ROBO1: variants seen among roughly 807,000 people sequenced by gnomAD.
ROBO1 encodes the protein roundabout guidance receptor 1.
ROBO1 carries 149 observed loss-of-function variants against 195.9 expected under a neutral mutation model. The observed-to-expected ratio is 0.76, with a 90% CI of 0.67 to 0.87. The LOEUF (loss-of-function observed/expected upper bound fraction) is 0.87. ROBO1 is among the 40% of genes least tolerant of loss of function. ROBO1 has a pLI of 0.00. For synonymous variants in ROBO1, 816 were observed against 733.2 expected, an observed-to-expected ratio of 1.11 and a Z score of -1.82; for missense variants, 1,933 against 2,068.3, an observed-to-expected ratio of 0.93 and a Z score of 1.27.
At chr3:79,326,608 G>A (rs953303668) in intron 2 of ROBO1, among the ~76,000 whole-genome samples, 1 of 152,094 alleles carries the variant, frequency 6.6e-6, no homozygotes, top group Non-Finnish European at 1.5e-5. Flanking sequence ...AACCTAAAAA[G>A]GAAAACCAAT....
At chr3:79,350,478 C>T (rs538674916) in intron 2 of ROBO1, among the ~76,000 whole-genome samples, 1 of 152,234 alleles carries the variant, frequency 6.6e-6, no homozygotes, top group Non-Finnish European at 1.5e-5. Flanking sequence ...CATATAAAAA[C>T]TTGTACACAA....
At chr3:79,641,907 T>G (rs1945674750) in intron 1 of ROBO1, among the ~76,000 whole-genome samples, 1 of 152,058 alleles carries the variant, frequency 6.6e-6, no homozygotes, top group African/African-American at 2.4e-5. Context: ...TAGTCCCAGC[T>G]ATTCAGGAGG....
intron 3 of ROBO1, among the ~76,000 whole-genome samples, chr3:78,976,413 G>A (rs1333098497): frequency 6.6e-6 from 1 of 152,176 alleles, no homozygotes; most frequent in Non-Finnish European, 1.5e-5. Context: ...CTGTGCCGGT[G>A]AGTCTTTGCG....
intron 4 of ROBO1, among the ~76,000 whole-genome samples, chr3:78,776,710 T>G (rs1377830074): frequency 2.6e-5 from 4 of 152,204 alleles, no homozygotes; most frequent in Non-Finnish European, 5.9e-5. Flanking sequence ...GAAATATGAA[T>G]GGTACCATGT....
intron 14 of ROBO1, among the ~76,000 whole-genome samples, chr3:78,667,428 A>G (rs1463361585): frequency 2.6e-5 from 4 of 152,006 alleles, no homozygotes; most frequent in Non-Finnish European, 5.9e-5. Flanking sequence ...TTCCAGTTAT[A>G]CTTTATTTAA....
intron 2 of ROBO1, among the ~76,000 whole-genome samples, chr3:79,369,647 C>T (rs528995818): frequency 6.6e-6 from 1 of 151,848 alleles, no homozygotes; most frequent in African/African-American, 2.4e-5. Context: ...TTCATGATCC[C>T]TTTACTTGCA....
chr3:79,524,968 G>C (rs1351503348), intron 2 of ROBO1, among the ~76,000 whole-genome samples: 1 of 151,766 alleles, frequency 6.6e-6, no homozygotes, highest in Non-Finnish European at 1.5e-5. Flanking sequence ...TATAGAGAGA[G>C]AAACAGAGAG....
chr3:78,805,125 T>C (rs2084496726), intron 4 of ROBO1, among the ~76,000 whole-genome samples: 1 of 152,146 alleles, frequency 6.6e-6, no homozygotes, highest in Non-Finnish European at 1.5e-5. Context: ...TCGGTGTTGG[T>C]CCTATCCTTT....
At chr3:79,560,521 TATA>T (rs1173912130) in intron 2 of ROBO1, among the ~76,000 whole-genome samples, 2 of 116,356 alleles carry the variant, frequency 1.7e-5, no homozygotes, top group Non-Finnish European at 3.4e-5. Context: ...AAACTTAAAG[TATA>T]ATAATAATAA....
chr3:78,778,654 A>T (rs2083577611), intron 4 of ROBO1, among the ~76,000 whole-genome samples: 1 of 152,226 alleles, frequency 6.6e-6, no homozygotes, highest in Non-Finnish European at 1.5e-5. Context: ...ATGCTCATGG[A>T]TGGGAAGAAT....
chr3:79,393,138 A>G (rs1478668703), intron 2 of ROBO1, among the ~76,000 whole-genome samples: 4 of 152,176 alleles, frequency 2.6e-5, no homozygotes, highest in Non-Finnish European at 4.4e-5. Context: ...TCCATCTATC[A>G]TTTGGTCATA....
rs148545537 is a variant in ROBO1, at chr3:79,433,901, C to T, written c.88+155923G>A. 3.8e-3 allele frequency among the ~76,000 whole-genome samples: 574 copies of T among 152,226 alleles called. 5 individuals carry two copies. The highest frequency in any genetic ancestry group is 5.4e-3 in the Non-Finnish European group (369 of 68,014). On this transcript the variant is annotated intron_variant, in intron 2 of 30. Coordinates refer to ENST00000464233, the MANE Select transcript of ROBO1 (RefSeq NM_002941.4). ...AGAGCTCTCAGAAATTAATACTGCA[C>T]ATCTACAACCATCTGATCTTTGAAA...
intron 11 of ROBO1, among the ~76,000 whole-genome samples, chr3:78,669,223 C>G (rs184932576): frequency 1.3e-5 from 2 of 152,332 alleles, no homozygotes; most frequent in African/African-American, 4.8e-5. Flanking sequence ...AACCCATCTA[C>G]TTCTGCTCAA....
intron 2 of ROBO1, among the ~76,000 whole-genome samples, chr3:79,444,609 C>A (rs1409683030): frequency 3.3e-5 from 5 of 152,054 alleles, no homozygotes; most frequent in Non-Finnish European, 1.5e-5. Context: ...TCCTAGATTT[C>A]TATCCTGAAG....
intron 5 of ROBO1, among the ~76,000 whole-genome samples, chr3:78,739,384 T>C (rs966040120): frequency 6.6e-6 from 1 of 152,194 alleles, no homozygotes; most frequent in African/African-American, 2.4e-5. Context: ...AATTGCTTAC[T>C]TTTTTCAACA....
At chr3:79,058,570 G>T (rs183127512) in intron 3 of ROBO1, among the ~76,000 whole-genome samples, 19 of 152,064 alleles carry the variant, frequency 1.2e-4, no homozygotes, top group Admixed American at 1.2e-3. Context: ...ATTCTGCTTT[G>T]CTTACCTCCA....
At chr3:79,135,848 G>GCTGT (rs1254667980) in intron 2 of ROBO1, among the ~76,000 whole-genome samples, 5 of 152,100 alleles carry the variant, frequency 3.3e-5, no homozygotes, top group Non-Finnish European at 5.9e-5. Flanking sequence ...TGTTGGTCAG[G>GCTGT]CTGTTATCGA....
intron 3 of ROBO1, among the ~76,000 whole-genome samples, chr3:79,085,783 GGAAGT>G (rs2079357695): frequency 6.6e-6 from 1 of 152,146 alleles, no homozygotes; most frequent in Admixed American, 6.6e-5. Flanking sequence ...CAAGTGCTAA[GGAAGT>G]GTGTTTAAAG....
intron 3 of ROBO1, among the ~76,000 whole-genome samples, chr3:79,109,865 G>A (rs2079853831): frequency 6.6e-6 from 1 of 151,892 alleles, no homozygotes; most frequent in African/African-American, 2.4e-5. Flanking sequence ...AAATTCATTA[G>A]TCTGCTCCTG....
Sources: gnomAD v4.1 joint callset for allele counts (sites outside exome capture counted in the v4.1 genomes callset) on GRCh38, gnomAD v4.1.1 for gene constraint, MANE v1.5 for transcripts, NCBI Gene and HGNC (gene_info 2026-07-23, HGNC 2026-07-21) for gene names.